The following NUBP1 variants were observed in gnomAD, a reference collection of about 807,000 sequenced individuals.
The protein encoded by NUBP1 is NUBP iron-sulfur cluster assembly factor 1, cytosolic.
In NUBP1, 46 loss-of-function variants were observed where a neutral mutation model predicts 41.8. The observed-to-expected ratio is 1.10, with a 90% CI of 0.87 to 1.41. The LOEUF (loss-of-function observed/expected upper bound fraction) is 1.41. Among genes scored for constraint, NUBP1 ranks in the 40% most tolerant of loss-of-function variants. The pLI is 0.00. For missense variants in NUBP1, 494 were observed against 414.0 expected, an observed-to-expected ratio of 1.19 and a Z score of -1.68; for synonymous variants, 189 against 154.6, an observed-to-expected ratio of 1.22 and a Z score of -1.65.
chr16:10,758,148 G>A, intron 7 of NUBP1, 121 bp downstream of exon 7: 2 of 1,147,566 alleles, frequency 1.7e-6, no homozygotes, highest in Non-Finnish European at 2.5e-6. Flanking sequence ...TTCCGCAGCT[G>A]CATCTGATGT....
Position 10,764,178 on chromosome 16 carries a change from G to A in NUBP1, c.820+2319G>A, listed in dbSNP as rs111710241. Among the ~76,000 whole-genome samples, 489 of 152,110 alleles carry A rather than the reference G, an allele frequency of 3.2e-3. 1 individual carries two copies. Among genetic ancestry groups the A allele is most frequent in the Non-Finnish European group, 5.4e-3 (364 of 67,980 alleles). ...AGCCCACAGGAGTATCTCAGCCCAC[G>A]GGAGCATCCCAGCCCGAAGGAGCGT... On this transcript the variant is annotated intron_variant, in intron 9 of 10. Coordinates refer to ENST00000283027, the MANE Select transcript of NUBP1 (RefSeq NM_002484.4).
rs897986841 is a variant in NUBP1 at position 10,749,142 on chromosome 16, C to G, written c.258+1866C>G. Among the ~76,000 whole-genome samples the G allele has an allele frequency of 6.1e-5, 9 of 147,998 alleles. No individual in the cohort carries two copies. The highest frequency in any genetic ancestry group is 2.2e-4 in the African/African-American group (9 of 40,624). On this transcript the variant is annotated intron_variant, in intron 3 of 10. Transcript: ENST00000283027. This position sits in a 1 kb window ranked among gnomAD's most constrained non-coding sequence, Gnocchi z 4.1. ...ACAGACACATACACACACACACACA[C>G]ACACACACACACACACACACACACA...
chr16:10,744,056 C>A lies in NUBP1; in HGVS notation c.115C>A (p.Pro39Thr). 1 of 1,578,322 alleles carries A rather than the reference C, an allele frequency of 6.3e-7. No homozygotes were observed. Residue 39 changes from proline to threonine, a missense_variant, in exon 2 of 11, where the codon CCG becomes ACG. Physicochemically the swap from Pro to Thr is conservative, Grantham distance 38. Transcript: ENST00000283027. ...GTGCGCTTCTGGAGCGGGGGCCACT[C>A]CGGACACGGGTGAGAAAAGGGCAAG... ...RLCASGAGAT[P>T]DTAIEEIKEK...
chr16:10,761,165 C>A (rs941089436), intron 7 of NUBP1, 199 bp from the exon 8 acceptor site: 10 of 492,072 alleles, frequency 2.0e-5, no homozygotes, highest in Non-Finnish European at 3.7e-5. Context: ...CTGCCTGTTC[C>A]TGTAGGGATG....
In NUBP1 at chr16:10,761,822, C is replaced by T. The variant is rs780547600; in HGVS notation, c.783C>T (p.Val261=). The T allele has an allele frequency of 6.2e-7, 1 of 1,614,132 alleles. No individual in the cohort carries two copies. The highest frequency in any genetic ancestry group is 1.7e-5 in the Admixed American group (1 of 60,028). Residue 261 remains valine, a synonymous_variant, in exon 9 of 11, where the codon GTC becomes GTT. Coordinates refer to ENST00000283027, the MANE Select transcript of NUBP1 (RefSeq NM_002484.4). The part of the protein sequence containing the change: ...GAELMCQDLE[V]PLLGRVPLDP... Reference sequence around the variant, plus strand: ...AGCTCATGTGCCAGGACTTGGAGGTCCCTCTCCTCGGCAGAGTGCCCCTGG... The same window carrying T: ...AGCTCATGTGCCAGGACTTGGAGGTTCCTCTCCTCGGCAGAGTGCCCCTGG...
At chr16:10,752,074 AT>A (rs1900345147) in intron 3 of NUBP1, among the ~76,000 whole-genome samples, 1 of 152,132 alleles carries the variant, frequency 6.6e-6, no homozygotes, top group African/African-American at 2.4e-5. Flanking sequence ...AGCCCCCAAT[AT>A]TTTTTAATAC....
Position 10,750,630 on chromosome 16 carries a change from C to CGAGG in NUBP1, c.259-1979_259-1976dup, listed in dbSNP as rs545736980. On this transcript the variant is annotated intron_variant, in intron 3 of 10. Coordinates refer to ENST00000283027, the MANE Select transcript of NUBP1 (RefSeq NM_002484.4). The stretch of plus-strand genomic sequence containing the variant: ...ACTAGGTGTTTCAGGACTGAGTGTG[C>CGAGG]GAGGCCCTCCTCTGGGTCCTGGGAC... 8.4e-3 allele frequency among the ~76,000 whole-genome samples: 1,286 copies of CGAGG among 152,288 alleles called. 20 individuals carry two copies. Among genetic ancestry groups the CGAGG allele is most frequent in the African/African-American group, 0.029 (1,218 of 41,556 alleles).
At chr16:10,753,890 G>T (rs956332354) in intron 4 of NUBP1, among the ~76,000 whole-genome samples, 2 of 152,178 alleles carry the variant, frequency 1.3e-5, no homozygotes, top group African/African-American at 4.8e-5. Flanking sequence ...AGGGGCTGGA[G>T]GGTGGCCCGA....
chr16:10,744,006 G>T lies in NUBP1; in HGVS notation c.65G>T (p.Cys22Phe). 6.3e-7 allele frequency: 1 copy of T among 1,581,674 alleles called. No homozygotes were observed. Among genetic ancestry groups the T allele is most frequent in the Non-Finnish European group, 8.5e-7 (1 of 1,169,688 alleles). ...DSAQAGRGASCQGCPNQRLCA... is the reference protein window; with the variant it reads ...DSAQAGRGASFQGCPNQRLCA... ...GCCCAGGCGGGCAGAGGGGCTTCAT[G>T]TCAGGGATGCCCCAACCAGCGGCTG... Residue 22 changes from cysteine to phenylalanine, a missense_variant, in exon 2 of 11, where the codon TGT becomes TTT. Cys to Phe is a radical substitution (Grantham distance 205, BLOSUM62 -2). Transcript: ENST00000283027.
At position 10,756,692 on chromosome 16, in the gene NUBP1, C is replaced by T. The variant is rs188947159; in HGVS notation, c.363C>T (p.Tyr121=). Residue 121 remains tyrosine (Y), a splice_region_variant and synonymous_variant, in exon 6 of 11, where the codon TAC becomes TAT. Coordinates refer to ENST00000283027, the MANE Select transcript of NUBP1 (RefSeq NM_002484.4). ...HQSGSGWSPV[Y]VEDNLGVMSV... ...CCCTCACCCTGTTCCCTCTGCAGTACGTGGAAGACAACCTGGGGGTGATGT... is the reference window on the plus strand; with the variant it reads ...CCCTCACCCTGTTCCCTCTGCAGTATGTGGAAGACAACCTGGGGGTGATGT... 2.0e-5 allele frequency: 31 copies of T among 1,565,044 alleles called. No individual in the cohort carries two copies. Among genetic ancestry groups the T allele is most frequent in the South Asian group, 1.7e-4 (14 of 82,786 alleles).
In NUBP1 at chr16:10,744,006, G is replaced by A. The variant is rs1267034908; in HGVS notation, c.65G>A (p.Cys22Tyr). ...DSAQAGRGAS[C>Y]QGCPNQRLCA... ...GCCCAGGCGGGCAGAGGGGCTTCAT[G>A]TCAGGGATGCCCCAACCAGCGGCTG... Residue 22 changes from cysteine to tyrosine, a missense_variant, in exon 2 of 11, where the codon TGT becomes TAT. By Grantham distance (194) the Cys-to-Tyr change is radical. Coordinates refer to ENST00000283027, the MANE Select transcript of NUBP1 (RefSeq NM_002484.4). 3 of 1,581,556 alleles carry A rather than the reference G, an allele frequency of 1.9e-6. No individual in the cohort carries two copies. Among genetic ancestry groups the A allele is most frequent in the Non-Finnish European group, 2.6e-6 (3 of 1,169,696 alleles).
intron 3 of NUBP1, 24 bp from the exon 4 acceptor site, chr16:10,752,586 G>A (rs542294799): frequency 3.8e-5 from 61 of 1,604,518 alleles, no homozygotes; most frequent in Non-Finnish European, 4.3e-5. Flanking sequence ...TTATATAACC[G>A]CTTTGGTCTC....
At chr16:10,755,405 C>T (rs1900503698) in intron 4 of NUBP1, among the ~76,000 whole-genome samples, 1 of 152,182 alleles carries the variant, frequency 6.6e-6, no homozygotes, top group Admixed American at 6.5e-5. Context: ...CATCAGTCCC[C>T]AGCCGATTTT....
intron 3 of NUBP1, among the ~76,000 whole-genome samples, chr16:10,747,699 G>C (rs190505117): frequency 8.7e-4 from 133 of 152,322 alleles, no homozygotes; most frequent in African/African-American, 2.8e-3. Flanking sequence ...ATCCGGCAGA[G>C]AGCAAAGAAA....
rs1641788 is a variant in NUBP1, at chr16:10,767,253, C to G, written c.821-696C>G. ...GAACACCCCCATTGACCCCTAGCCCCTTGTGTCCTGTCCACCTGGCTCTGG... is the reference window on the plus strand; with the variant it reads ...GAACACCCCCATTGACCCCTAGCCCGTTGTGTCCTGTCCACCTGGCTCTGG... On this transcript the variant is annotated intron_variant, in intron 9 of 10. Coordinates refer to ENST00000283027, the MANE Select transcript of NUBP1 (RefSeq NM_002484.4). This position sits in a 1 kb window ranked among gnomAD's most constrained non-coding sequence, Gnocchi z 4.6. The G allele has an allele frequency of 2.5e-6, 1 of 399,152 alleles. No homozygotes were observed. The highest frequency in any genetic ancestry group is 4.4e-6 in the Non-Finnish European group (1 of 226,668). The allele number at this position is 399,152 out of a possible 1,614,324, so 24.7% of individuals were successfully genotyped here. A position where few individuals can be genotyped will look rare whatever the true frequency, so the allele number is the denominator to read the frequency against.
chr16:10,744,378 G>C (rs1567252188), intron 2 of NUBP1, among the ~76,000 whole-genome samples: 1 of 152,220 alleles, frequency 6.6e-6, no homozygotes, highest in Non-Finnish European at 1.5e-5. Flanking sequence ...CCAGAGGTTT[G>C]AGTGACAATA....
In NUBP1 at chr16:10,757,988, A is replaced by G. The variant is rs1474676252; in HGVS notation, c.567A>G (p.Thr189=). The G allele has an allele frequency of 6.2e-7, 1 of 1,614,132 alleles. No individual in the cohort carries two copies. Among genetic ancestry groups the G allele is most frequent in the Non-Finnish European group, 8.5e-7 (1 of 1,180,016 alleles). The change falls in exon 7 of 11, where the codon ACA becomes ACG. Residue 189 remains threonine, a synonymous_variant. Coordinates refer to ENST00000283027, the MANE Select transcript of NUBP1 (RefSeq NM_002484.4). The surrounding 1 kb of genome is among the most constrained non-coding windows in gnomAD (Gnocchi z 4.1). ...TCTCGGTCGTCCGGTACCTGGCCAC[A>G]GCACACATCGATGGAGCAGTGATCA... The part of the protein sequence containing the change: ...EHLSVVRYLA[T]AHIDGAVIIT...
intron 2 of NUBP1, among the ~76,000 whole-genome samples, chr16:10,745,153 G>C (rs1234790212): frequency 6.6e-6 from 1 of 151,610 alleles, no homozygotes; most frequent in African/African-American, 2.4e-5. Flanking sequence ...ACCTCTCTGA[G>C]CTTCTGGTTC....
At chr16:10,755,571 ACCT>A (rs1900509637) in intron 4 of NUBP1, 147 bp from the exon 5 acceptor site, 1 of 754,304 alleles carries the variant, frequency 1.3e-6, no homozygotes, top group Non-Finnish European at 2.2e-6. Flanking sequence ...CTAGCTGTTC[ACCT>A]CCTTTTAGGA....
Sources: allele counts gnomAD v4.1 joint callset (sites outside exome capture counted in the v4.1 genomes callset), GRCh38; gene constraint gnomAD v4.1.1; non-coding constraint Gnocchi (gnomAD v3.1); transcripts MANE v1.5; gene names NCBI Gene and HGNC (gene_info 2026-07-23, HGNC 2026-07-21).